Variants in PLCE1 observed in about 807,000 individuals in gnomAD.
The protein encoded by PLCE1 is 1-phosphatidylinositol 4,5-bisphosphate phosphodiesterase epsilon-1.
A neutral mutation model predicts 242.8 loss-of-function variants in PLCE1; 119 were observed. The ratio of observed to expected loss-of-function variants is 0.49; its 90% confidence interval spans 0.42 to 0.57. PLCE1 has a LOEUF of 0.57. Ranked by LOEUF, PLCE1 falls within the 20% of genes least tolerant of loss-of-function variation. The probability of loss-of-function intolerance (pLI) is 0.00; values close to 1 mark genes in which losing one functional copy is unlikely to be tolerated. For synonymous variants in PLCE1, 945 were observed against 1,017.4 expected, an observed-to-expected ratio of 0.93 and a Z score of 1.35; for missense variants, 2,441 against 2,788.8, an observed-to-expected ratio of 0.88 and a Z score of 2.81.
intron 32 of PLCE1, 160 bp downstream of exon 32, chr10:94,325,264 T>A (rs1363128283): frequency 3.2e-6 from 2 of 630,414 alleles, no homozygotes; most frequent in Admixed American, 5.0e-5. Flanking sequence ...GCTCTGAAGA[T>A]ATGTGTAACA....
chr10:94,204,900 A>G (rs1009378737), intron 4 of PLCE1, among the ~76,000 whole-genome samples: 2 of 152,206 alleles, frequency 1.3e-5, no homozygotes, highest in Admixed American at 6.5e-5. Flanking sequence ...CATATTTTAT[A>G]TTGATTGTTA....
At chr10:94,221,255 T>C (rs2049733228) in intron 4 of PLCE1, among the ~76,000 whole-genome samples, 1 of 152,206 alleles carries the variant, frequency 6.6e-6, no homozygotes, top group Non-Finnish European at 1.5e-5. Flanking sequence ...CCCCAGTGCT[T>C]CTGATGTCAG....
intron 2 of PLCE1, among the ~76,000 whole-genome samples, chr10:94,101,330 G>A (rs777641405): frequency 8.6e-5 from 13 of 151,450 alleles, no homozygotes; most frequent in Non-Finnish European, 1.5e-4. Flanking sequence ...TTAAAGCTGA[G>A]GAAAAAAAAA....
chr10:94,195,952 A>T (rs1198808073), intron 4 of PLCE1, among the ~76,000 whole-genome samples: 3 of 152,138 alleles, frequency 2.0e-5, no homozygotes, highest in Non-Finnish European at 4.4e-5. Context: ...ATGATATCTA[A>T]TGCTTCTTAG....
chr10:94,241,026 A>G (rs1312113121), intron 7 of PLCE1, among the ~76,000 whole-genome samples: 1 of 152,198 alleles, frequency 6.6e-6, no homozygotes, highest in African/African-American at 2.4e-5. Flanking sequence ...TAAGAGACAA[A>G]AGCTACTAGT....
chr10:94,250,165 T>G (rs2050826430), intron 8 of PLCE1, among the ~76,000 whole-genome samples: 1 of 145,838 alleles, frequency 6.9e-6, no homozygotes, highest in African/African-American at 2.5e-5. Context: ...TTTCTAAAAT[T>G]GAACATGTGC....
intron 24 of PLCE1, among the ~76,000 whole-genome samples, chr10:94,303,935 A>G (rs1190918443): frequency 6.6e-6 from 1 of 152,230 alleles, no homozygotes; most frequent in East Asian, 1.9e-4. Context: ...TATCATAAGT[A>G]ATCTAGAGAT....
intron 6 of PLCE1, among the ~76,000 whole-genome samples, chr10:94,234,644 A>C (rs1334380083): frequency 6.6e-6 from 1 of 152,216 alleles, no homozygotes; most frequent in African/African-American, 2.4e-5. Context: ...GGATGAAGAC[A>C]GTCAATTGAG....
At chr10:94,055,170 GATA>G (rs2043869233) in intron 2 of PLCE1, among the ~76,000 whole-genome samples, 1 of 151,770 alleles carries the variant, frequency 6.6e-6, no homozygotes, top group Non-Finnish European at 1.5e-5. Flanking sequence ...TAATAATGAA[GATA>G]ATAATTGGTC....
chr10:94,178,529 G>A (rs2136405023), intron 4 of PLCE1, among the ~76,000 whole-genome samples: 1 of 152,300 alleles, frequency 6.6e-6, no homozygotes, highest in South Asian at 2.1e-4. Context: ...CTGTCCAGTA[G>A]GTTTCACCAG....
At chr10:94,099,775 T>C (rs2045453471) in intron 2 of PLCE1, 1 of 152,190 alleles carries the variant, frequency 6.6e-6, no homozygotes. Context: ...GAGGCCCTTA[T>C]GGTGAGAGAG....
chr10:94,277,621 A>T (rs2052009479), intron 19 of PLCE1, among the ~76,000 whole-genome samples: 1 of 152,084 alleles, frequency 6.6e-6, no homozygotes, highest in Non-Finnish European at 1.5e-5. Flanking sequence ...TGGCGTCATC[A>T]TTCCCAGCAC....
Position 94,328,833 on chromosome 10 carries a change from T to C in PLCE1, c.*890T>C, listed in dbSNP as rs1401097387. The C allele has an allele frequency of 6.6e-6, 1 of 152,206 alleles. No individual in the cohort carries two copies. The highest frequency in any genetic ancestry group is 6.5e-5 in the Admixed American group (1 of 15,274). 9.4% of individuals were successfully genotyped at this position (152,206 alleles called of 1,614,324 possible). A position where few individuals can be genotyped will look rare whatever the true frequency, so the allele number is the denominator to read the frequency against. ...AATAGGGTTGCTTTAAAAAAGGTTA[T>C]TGCTTAATCATAGATTAGATTACTC... On this transcript the variant is annotated 3_prime_UTR_variant, in exon 33 of 33. Coordinates refer to ENST00000371380, the MANE Select transcript of PLCE1 (RefSeq NM_016341.4).
intron 3 of PLCE1, among the ~76,000 whole-genome samples, chr10:94,160,563 G>T (rs1398001896): frequency 3.3e-5 from 5 of 152,108 alleles, no homozygotes; most frequent in African/African-American, 4.8e-5. Context: ...CTCCCATTCT[G>T]CAGGTTGCCT....
At chr10:94,032,331 T>A in intron 2 of PLCE1, 79 bp downstream of exon 2, 1 of 1,298,804 alleles carries the variant, frequency 7.7e-7, no homozygotes, top group Non-Finnish European at 1.1e-6. Flanking sequence ...TCCATTGTCA[T>A]AATTGATGAG....
rs2050689135 is a variant in PLCE1 at position 94,246,573 on chromosome 10, T to C, written c.3048T>C (p.Pro1016=). The change falls in exon 8 of 33, where the codon CCT becomes CCC. Residue 1016 remains proline (P), a synonymous_variant. Transcript: ENST00000371380. ...CTGTGAGAAAGATGAGGAAATTCCC[T>C]GACCAAAGACAGCAGTGGCTGCGGA... ...TRAVRKMRKF[P]DQRQQWLRKQ... 6.2e-7 allele frequency: 1 copy of C among 1,614,190 alleles called. No homozygotes were observed. Among genetic ancestry groups the C allele is most frequent in the Non-Finnish European group, 8.5e-7 (1 of 1,180,010 alleles).
At chr10:94,027,207 AC>A (rs2134442304) in intron 1 of PLCE1, among the ~76,000 whole-genome samples, 1 of 152,114 alleles carries the variant, frequency 6.6e-6, no homozygotes, top group African/African-American at 2.4e-5. Context: ...AATCACTCCC[AC>A]CCCATCAGCA....
intron 1 of PLCE1, among the ~76,000 whole-genome samples, chr10:94,006,767 G>A (rs970800758): frequency 6.6e-6 from 1 of 152,232 alleles, no homozygotes; most frequent in African/African-American, 2.4e-5. Flanking sequence ...ATTGGCAAAT[G>A]ACTCAAAGCT....
chr10:94,179,936 CAAA>C (rs5787102), intron 4 of PLCE1, among the ~76,000 whole-genome samples: 62 of 113,610 alleles, frequency 5.5e-4, no homozygotes, highest in East Asian at 4.0e-3. Context: ...TGTTAGTTCC[CAAA>C]AAAAAAAAAA....
Sources: allele counts gnomAD v4.1 joint callset (sites outside exome capture counted in the v4.1 genomes callset), GRCh38; gene constraint gnomAD v4.1.1; transcripts MANE v1.5; gene names NCBI Gene and HGNC (gene_info 2026-07-23, HGNC 2026-07-21).